SCUBE2: variants seen among roughly 807,000 people sequenced by gnomAD.
SCUBE2 encodes the protein signal peptide, CUB domain and EGF like domain containing 2.
A neutral mutation model predicts 125.9 loss-of-function variants in SCUBE2; 114 were observed. That is an observed-to-expected ratio of 0.91 (90% CI 0.78 to 1.06). The LOEUF is 1.06. Ranked by LOEUF, SCUBE2 falls within the 50% of genes least tolerant of loss-of-function variation. The pLI is 0.00. For synonymous variants in SCUBE2, 459 were observed against 492.9 expected, an observed-to-expected ratio of 0.93 and a Z score of 0.91; for missense variants, 1,255 against 1,301.8, an observed-to-expected ratio of 0.96 and a Z score of 0.55.
chr11:9,089,207 C>T (rs1363012567), intron 2 of SCUBE2, among the ~76,000 whole-genome samples: 2 of 152,212 alleles, frequency 1.3e-5, no homozygotes, highest in South Asian at 2.1e-4. Context: ...GAGGAAGGTC[C>T]TTGGTGTACT....
At chr11:9,081,876 A>AT (rs976239241) in intron 2 of SCUBE2, among the ~76,000 whole-genome samples, 13 of 152,156 alleles carry the variant, frequency 8.5e-5, no homozygotes, top group Admixed American at 7.2e-4. Flanking sequence ...TCCTATGGTA[A>AT]TTTTTTTTAA....
At chr11:9,028,016 G>A (rs1010340672) in intron 19 of SCUBE2, among the ~76,000 whole-genome samples, 2 of 151,962 alleles carry the variant, frequency 1.3e-5, no homozygotes, top group African/African-American at 4.8e-5. Context: ...TTTCTCTCTG[G>A]TTAAGACCAC....
At chr11:9,039,783 C>T (rs535445861) in intron 16 of SCUBE2, among the ~76,000 whole-genome samples, 3 of 152,314 alleles carry the variant, frequency 2.0e-5, no homozygotes, top group Admixed American at 1.3e-4. Flanking sequence ...AAGAGAAGCA[C>T]TGGCACCCAC....
At chr11:9,066,675 C>T in intron 6 of SCUBE2, 22 bp downstream of exon 6, 1 of 1,583,182 alleles carries the variant, frequency 6.3e-7, no homozygotes, top group Non-Finnish European at 8.7e-7. Context: ...GACCCTCACT[C>T]AGTGTTGGGG....
At chr11:9,025,110 AGGGCTCAGAT>A (rs765117991) in intron 21 of SCUBE2, among the ~76,000 whole-genome samples, 2 of 152,216 alleles carry the variant, frequency 1.3e-5, no homozygotes, top group Non-Finnish European at 2.9e-5. Flanking sequence ...GTAGAGCCCC[AGGGCTCAGAT>A]GGGCCACCTC....
intron 6 of SCUBE2, 54 bp from the exon 7 acceptor site, chr11:9,066,034 A>G: frequency 8.2e-7 from 1 of 1,223,002 alleles, no homozygotes; most frequent in Non-Finnish European, 1.2e-6. Flanking sequence ...TAGATTGCTC[A>G]TCCCCATACA....
At chr11:9,034,329 A>C (rs1333759934) in intron 16 of SCUBE2, among the ~76,000 whole-genome samples, 1 of 152,166 alleles carries the variant, frequency 6.6e-6, no homozygotes, top group Non-Finnish European at 1.5e-5. Context: ...TCATGCATTA[A>C]ATCAGGAGGA....
intron 16 of SCUBE2, among the ~76,000 whole-genome samples, chr11:9,040,885 A>G (rs1253502012): frequency 1.3e-5 from 2 of 152,220 alleles, no homozygotes; most frequent in African/African-American, 2.4e-5. Flanking sequence ...TTCTTGGACC[A>G]TGGTTGACCC....
intron 9 of SCUBE2, 28 bp downstream of exon 9, chr11:9,059,275 G>C: frequency 6.2e-7 from 1 of 1,610,120 alleles, no homozygotes; most frequent in Non-Finnish European, 8.5e-7. Flanking sequence ...GGGCCATTGC[G>C]CAGCACAGCT....
chr11:9,047,209 AAC>A (rs1346041291), intron 16 of SCUBE2, 145 bp downstream of exon 16: 1 of 787,546 alleles, frequency 1.3e-6, no homozygotes, highest in Non-Finnish European at 2.1e-6. Context: ...ACACAAACGC[AAC>A]AGTTACTGAA....
chr11:9,062,259 C>T (rs991061596), intron 7 of SCUBE2, among the ~76,000 whole-genome samples: 2 of 152,134 alleles, frequency 1.3e-5, no homozygotes, highest in Non-Finnish European at 2.9e-5. Flanking sequence ...TTGAAAGTTC[C>T]AAAAAGCTAT....
chr11:9,052,694 G>A, intron 13 of SCUBE2, 52 bp downstream of exon 13: 2 of 1,304,190 alleles, frequency 1.5e-6, no homozygotes, highest in Non-Finnish European at 1.1e-6. Context: ...CGTGAATGAA[G>A]CCCCTTGAAC....
At chr11:9,030,708 C>CT in intron 18 of SCUBE2, 50 bp downstream of exon 18, 1 of 1,567,906 alleles carries the variant, frequency 6.4e-7, no homozygotes, top group South Asian at 1.2e-5. Context: ...TCCCATGATA[C>CT]TTAGAAGGGA....
At chr11:9,031,710 C>T (rs944740732) in intron 17 of SCUBE2, among the ~76,000 whole-genome samples, 1 of 151,998 alleles carries the variant, frequency 6.6e-6, no homozygotes, top group Admixed American at 6.5e-5. Flanking sequence ...CATGTTATAC[C>T]TGGGACAAGA....
intron 7 of SCUBE2, among the ~76,000 whole-genome samples, chr11:9,061,488 G>A (rs530595616): frequency 1.3e-5 from 2 of 151,838 alleles, no homozygotes; most frequent in Admixed American, 6.5e-5. Flanking sequence ...GAGCCCAGGA[G>A]GTCAAGGGTG....
rs2136062945 is a variant in SCUBE2, at chr11:9,091,137, G to C, written c.133+259C>G. Among the ~76,000 whole-genome samples the C allele has an allele frequency of 6.6e-6, 1 of 152,302 alleles. No individual in the cohort carries two copies. The highest frequency in any genetic ancestry group is 2.4e-5 in the African/African-American group (1 of 41,574). On this transcript the variant is annotated intron_variant, in intron 1 of 22. Coordinates refer to ENST00000649792, the MANE Select transcript of SCUBE2 (RefSeq NM_001367977.2). The surrounding 1 kb of genome is among the most constrained non-coding windows in gnomAD (Gnocchi z 8.5). Reference sequence around the variant, plus strand: ...GCCGGCGACGGTCTGACTAGCAGGCGCTCTGGAGGCATCCGGACCGGGGCG... The same window carrying C: ...GCCGGCGACGGTCTGACTAGCAGGCCCTCTGGAGGCATCCGGACCGGGGCG...
chr11:9,030,354 A>G (rs1960179), intron 18 of SCUBE2: 268,938 of 425,914 alleles, frequency 0.63, 86,444 homozygotes, highest in East Asian at 0.82. Context: ...TATAGGGGGC[A>G]GGCAGTTGCA....
intron 8 of SCUBE2, 140 bp from the exon 9 acceptor site, chr11:9,059,565 A>G: frequency 1.8e-6 from 2 of 1,141,092 alleles, no homozygotes; most frequent in Non-Finnish European, 2.4e-6. Context: ...ATGTTTGCTG[A>G]TGTTTTTAAC....
rs565999452 is a variant in SCUBE2, at chr11:9,056,593, G to GT, written c.1091-685_1091-684insA. Among the ~76,000 whole-genome samples the GT allele has an allele frequency of 7.9e-5, 12 of 152,330 alleles. No homozygotes were observed. In the East Asian group the frequency reaches 2.1e-3, roughly 27 times the overall value. ...ATGTGCCAGTCCTATGAGTCTGCTA[G>GT]CCTCCTGGTTCAGTGTGGAAGCCTC... On this transcript the variant is annotated intron_variant, in intron 9 of 22. Transcript: ENST00000649792.
Sources: allele counts gnomAD v4.1 joint callset (sites outside exome capture counted in the v4.1 genomes callset), GRCh38; gene constraint gnomAD v4.1.1; non-coding constraint Gnocchi (gnomAD v3.1); transcripts MANE v1.5; gene names NCBI Gene and HGNC (gene_info 2026-07-23, HGNC 2026-07-21).